The following EIF2AK4 variants were observed in gnomAD, a reference collection of about 807,000 sequenced individuals.
The protein encoded by EIF2AK4 is eukaryotic translation initiation factor 2 alpha kinase 4.
In EIF2AK4, 139 loss-of-function variants were observed where a neutral mutation model predicts 211.1. That is an observed-to-expected ratio of 0.66 (90% CI 0.57 to 0.76). EIF2AK4 has a LOEUF of 0.76. EIF2AK4 is among the 30% of genes least tolerant of loss of function. The pLI is 0.00. For missense variants in EIF2AK4, 1,664 were observed against 2,043.8 expected, an observed-to-expected ratio of 0.81 and a Z score of 3.58; for synonymous variants, 710 against 751.3, an observed-to-expected ratio of 0.94 and a Z score of 0.90.
intron 14 of EIF2AK4, 31 bp downstream of exon 14, chr15:39,985,919 A>G (rs1438341643): frequency 6.3e-7 from 1 of 1,597,828 alleles, no homozygotes; most frequent in Non-Finnish European, 8.6e-7. Context: ...TAGGTGACAC[A>G]GCAACACCCA....
chr15:40,017,987 A>G (rs2035333133), intron 29 of EIF2AK4, among the ~76,000 whole-genome samples: 1 of 152,192 alleles, frequency 6.6e-6, no homozygotes, highest in Non-Finnish European at 1.5e-5. Context: ...ATCACCACAG[A>G]GATTTATGGG....
intron 4 of EIF2AK4, among the ~76,000 whole-genome samples, chr15:39,949,643 A>G (rs1384823314): frequency 2.6e-5 from 4 of 152,116 alleles, no homozygotes; most frequent in Non-Finnish European, 1.5e-5. Flanking sequence ...CCAGAGAATA[A>G]TTTTTTTATT....
chr15:39,998,797 T>G lies in EIF2AK4; in HGVS notation c.2922+13T>G. On this transcript the variant is annotated intron_variant, in intron 20 of 38. Coordinates refer to ENST00000263791, the MANE Select transcript of EIF2AK4 (RefSeq NM_001013703.4). ...GCATGCAAAGCAGGTAATTTTCTGATGCGTCAATTACTATGTCTTCAGTCT... is the reference window on the plus strand; with the variant it reads ...GCATGCAAAGCAGGTAATTTTCTGAGGCGTCAATTACTATGTCTTCAGTCT... 1 of 1,606,682 alleles carries G rather than the reference T, an allele frequency of 6.2e-7. No individual in the cohort carries two copies. Among genetic ancestry groups the G allele is most frequent in the Non-Finnish European group, 8.5e-7 (1 of 1,174,540 alleles).
intron 29 of EIF2AK4, 84 bp downstream of exon 29, chr15:40,017,326 C>CA (rs2035316332): frequency 6.8e-7 from 1 of 1,475,980 alleles, no homozygotes; most frequent in Non-Finnish European, 9.1e-7. Flanking sequence ...AAACTAACAC[C>CA]AAAAATTTGA....
chr15:39,955,873 A>G, intron 6 of EIF2AK4, 105 bp downstream of exon 6: 1 of 1,309,896 alleles, frequency 7.6e-7, no homozygotes, highest in Non-Finnish European at 1.0e-6. Context: ...GATAGTCTTA[A>G]TAACTTTTTT....
chr15:39,988,660 A>C (rs113157537), intron 15 of EIF2AK4, among the ~76,000 whole-genome samples: 2 of 152,142 alleles, frequency 1.3e-5, no homozygotes, highest in East Asian at 3.8e-4. Flanking sequence ...CTGGGAGAGG[A>C]GAAAGTATTT....
chr15:39,976,656 G>C lies in EIF2AK4; in HGVS notation c.2061G>C (p.Ala687=), dbSNP rs771016625. 6.2e-7 allele frequency: 1 copy of C among 1,603,950 alleles called. No individual in the cohort carries two copies. The highest frequency in any genetic ancestry group is 1.3e-5 in the African/African-American group (1 of 74,736). ...KDDRAARGQP[A]SDTDGLDSVE... is the part of the protein sequence containing the mutation. The stretch of plus-strand genomic sequence containing the variant: ...ACCGAGCTGCACGCGGGCAGCCGGC[G>C]AGCGACACAGACGGCCTGGACAGCG... Residue 687 remains alanine (A), a synonymous_variant, in exon 12 of 39, where the codon GCG becomes GCC. Transcript: ENST00000263791.
intron 4 of EIF2AK4, among the ~76,000 whole-genome samples, chr15:39,952,801 G>A (rs1233409150): frequency 1.3e-5 from 2 of 151,974 alleles, no homozygotes; most frequent in African/African-American, 2.4e-5. Context: ...ATTTAAGTGT[G>A]TAGCCTAGTT....
chr15:39,943,305 G>C, intron 2 of EIF2AK4, 78 bp from the exon 3 acceptor site: 1 of 1,171,392 alleles, frequency 8.5e-7, no homozygotes, highest in South Asian at 1.7e-5. Flanking sequence ...AGTGCTTTCA[G>C]TTTAGCAAAT....
At chr15:39,972,289 G>A (rs1046818829) in intron 9 of EIF2AK4, among the ~76,000 whole-genome samples, 1 of 151,270 alleles carries the variant, frequency 6.6e-6, no homozygotes, top group Non-Finnish European at 1.5e-5. Flanking sequence ...GGCAGAAGTT[G>A]GAATGAGCTG....
At chr15:40,002,633 A>C in intron 21 of EIF2AK4, 80 bp from the exon 22 acceptor site, 3 of 1,452,094 alleles carry the variant, frequency 2.1e-6, no homozygotes, top group Non-Finnish European at 2.9e-6. Flanking sequence ...TGTAGTGCCT[A>C]CTGCAAGCCA....
chr15:40,011,210 C>A (rs147135696), intron 26 of EIF2AK4, 71 bp from the exon 27 acceptor site: 2 of 1,252,874 alleles, frequency 1.6e-6, no homozygotes, highest in African/African-American at 1.5e-5. Context: ...TGTTAGAATT[C>A]GCCTGGAAAT....
At chr15:40,008,920 A>G (rs2035198684) in intron 25 of EIF2AK4, among the ~76,000 whole-genome samples, 1 of 152,036 alleles carries the variant, frequency 6.6e-6, no homozygotes, top group South Asian at 2.1e-4. Context: ...CTCGGTGAAT[A>G]CTCATTAATC....
At chr15:40,030,874 A>G (rs1408545801) in intron 35 of EIF2AK4, among the ~76,000 whole-genome samples, 2 of 152,256 alleles carry the variant, frequency 1.3e-5, no homozygotes, top group African/African-American at 4.8e-5. Context: ...TGTAGAAAAC[A>G]TTAACATGGC....
rs1422669425 is a variant in EIF2AK4, at chr15:40,026,009, G to A, written c.4422G>A (p.Glu1474=). ...CTTTCGAGAAGGAAAGGCAGACAGA[G>A]AAGCGTGTGCTGGAGACTGAACTTG... ...VKSFEKERQT[E]KRVLETELVD... is the part of the protein sequence containing the mutation. The change falls in exon 33 of 39, where the codon GAG becomes GAA. Residue 1474 remains glutamate, a synonymous_variant. Coordinates refer to ENST00000263791, the MANE Select transcript of EIF2AK4 (RefSeq NM_001013703.4). The A allele has an allele frequency of 6.2e-7, 1 of 1,614,184 alleles. No homozygotes were observed. The highest frequency in any genetic ancestry group is 8.5e-7 in the Non-Finnish European group (1 of 1,180,020).
intron 9 of EIF2AK4, among the ~76,000 whole-genome samples, chr15:39,971,527 T>C (rs1178620392): frequency 2.6e-5 from 4 of 151,982 alleles, no homozygotes; most frequent in Non-Finnish European, 5.9e-5. Context: ...CAAGACTTCG[T>C]CTCATAATAA....
chr15:39,954,966 G>A (rs1236521345), intron 5 of EIF2AK4, among the ~76,000 whole-genome samples: 1 of 152,126 alleles, frequency 6.6e-6, no homozygotes, highest in African/African-American at 2.4e-5. Context: ...CCTTAAAATG[G>A]GACTGATAAT....
chr15:39,970,842 T>G (rs1400016227), intron 9 of EIF2AK4, among the ~76,000 whole-genome samples: 1 of 152,172 alleles, frequency 6.6e-6, no homozygotes, highest in Non-Finnish European at 1.5e-5. Context: ...AATTTTAAAT[T>G]TAAAGGAAAA....
At chr15:40,016,399 T>G (rs1382010623) in intron 27 of EIF2AK4, 103 bp from the exon 28 acceptor site, 2 of 1,346,046 alleles carry the variant, frequency 1.5e-6, no homozygotes, top group Non-Finnish European at 2.1e-6. Context: ...AAGATAATCG[T>G]AGCATCCCAT....
Sources: gnomAD v4.1 joint callset for allele counts (sites outside exome capture counted in the v4.1 genomes callset) on GRCh38, gnomAD v4.1.1 for gene constraint, MANE v1.5 for transcripts, NCBI Gene and HGNC (gene_info 2026-07-23, HGNC 2026-07-21) for gene names.